The following VEPH1 variants were observed in gnomAD, a reference collection of about 807,000 sequenced individuals.
VEPH1 encodes ventricular zone expressed PH domain containing 1.
A neutral mutation model predicts 85.2 loss-of-function variants in VEPH1; 80 were observed. The ratio of observed to expected loss-of-function variants is 0.94; its 90% CI spans 0.78 to 1.13. The LOEUF is 1.13. VEPH1 is among the 50% of genes most tolerant of loss of function. The pLI is 0.00. For synonymous variants in VEPH1, 297 were observed against 348.0 expected (o/e 0.85, Z 1.63); for missense variants, 955 against 980.5 (o/e 0.97, Z 0.35).
At chr3:157,345,045 T>C (rs1724048442) in intron 9 of VEPH1, among the ~76,000 whole-genome samples, 1 of 152,330 alleles carries the variant, frequency 6.6e-6, no homozygotes, top group African/African-American at 2.4e-5. Flanking sequence ...ATTAAAGATT[T>C]AAATGTTAGA....
At chr3:157,402,410 T>G (rs1730849162) in intron 6 of VEPH1, among the ~76,000 whole-genome samples, 1 of 152,138 alleles carries the variant, frequency 6.6e-6, no homozygotes, top group African/African-American at 2.4e-5. Context: ...TGTGGGAGAA[T>G]GCTGCCTAAA....
intron 11 of VEPH1, among the ~76,000 whole-genome samples, chr3:157,303,469 G>T (rs1249309800): frequency 6.6e-6 from 1 of 152,094 alleles, no homozygotes; most frequent in African/African-American, 2.4e-5. Context: ...CCATGATTTT[G>T]CTGTGATTAT....
intron 9 of VEPH1, among the ~76,000 whole-genome samples, chr3:157,338,965 T>C (rs1448855111): frequency 1.3e-5 from 2 of 152,130 alleles, no homozygotes; most frequent in Non-Finnish European, 2.9e-5. Context: ...ATCAAGAAGG[T>C]TCAGAGCCTA....
At chr3:157,398,519 A>G (rs1730586601) in intron 6 of VEPH1, among the ~76,000 whole-genome samples, 1 of 152,118 alleles carries the variant, frequency 6.6e-6, no homozygotes, top group Non-Finnish European at 1.5e-5. Context: ...CTGTAGTCTC[A>G]GCTACTTAGG....
chr3:157,493,321 A>T (rs1382903207), intron 2 of VEPH1: 1 of 456,098 alleles, frequency 2.2e-6, no homozygotes, highest in African/African-American at 2.0e-5. Context: ...AGTGGAATTG[A>T]TTACTGAGAT....
intron 4 of VEPH1, among the ~76,000 whole-genome samples, chr3:157,440,949 T>C (rs189364298): frequency 4.3e-3 from 656 of 152,280 alleles, no homozygotes; most frequent in Non-Finnish European, 5.9e-3. Context: ...ATAGTAATTA[T>C]AAGCATGTGG....
chr3:157,326,786 G>A lies in VEPH1; in HGVS notation c.1736-9585C>T, dbSNP rs187800357. Among the ~76,000 whole-genome samples, 153 of 152,318 alleles carry A rather than the reference G, an allele frequency of 1.0e-3. 1 individual carries two copies. The Middle Eastern group carries it at 0.014, about 14-fold the overall frequency. ...TAGATACATTATGGTAACACCATGG[G>A]CAATGGTCACCGCTGAAGATTCACT... is the stretch of plus-strand genomic sequence containing the variant. On this transcript the variant is annotated intron_variant, in intron 9 of 13. Transcript: ENST00000362010.
At chr3:157,464,667 A>C (rs746451575) in intron 3 of VEPH1, among the ~76,000 whole-genome samples, 1 of 152,196 alleles carries the variant, frequency 6.6e-6, no homozygotes, top group Non-Finnish European at 1.5e-5. Context: ...ATTAGCACCA[A>C]TTTGAACTTT....
At chr3:157,463,428 A>G (rs1418131256) in intron 3 of VEPH1, among the ~76,000 whole-genome samples, 1 of 152,158 alleles carries the variant, frequency 6.6e-6, no homozygotes, top group African/African-American at 2.4e-5. Context: ...TAGAGTTCTT[A>G]ACATCACGGA....
At chr3:157,407,177 A>G (rs1731207152) in intron 6 of VEPH1, among the ~76,000 whole-genome samples, 1 of 152,170 alleles carries the variant, frequency 6.6e-6, no homozygotes, top group Non-Finnish European at 1.5e-5. Flanking sequence ...GTGGAAACAA[A>G]CATTCTATTT....
chr3:157,389,782 A>T (rs1322632956), intron 6 of VEPH1, among the ~76,000 whole-genome samples: 2 of 152,190 alleles, frequency 1.3e-5, no homozygotes, highest in African/African-American at 4.8e-5. Context: ...CCAAAGCATT[A>T]GGGGATGAAT....
chr3:157,358,979 A>C (rs1004886978), intron 9 of VEPH1, among the ~76,000 whole-genome samples: 1 of 152,206 alleles, frequency 6.6e-6, no homozygotes, highest in Non-Finnish European at 1.5e-5. Context: ...CTGGTGACAG[A>C]GTGAGACTCC....
At chr3:157,423,820 T>G (rs1732533535) in intron 5 of VEPH1, among the ~76,000 whole-genome samples, 1 of 152,230 alleles carries the variant, frequency 6.6e-6, no homozygotes. Context: ...TGCAGTCTAT[T>G]GTGGCTAATT....
At chr3:157,417,883 T>G (rs938164363) in intron 5 of VEPH1, among the ~76,000 whole-genome samples, 1 of 152,180 alleles carries the variant, frequency 6.6e-6, no homozygotes, top group Non-Finnish European at 1.5e-5. Flanking sequence ...TTAGAATGTT[T>G]GGACTCTGTA....
At chr3:157,269,642 G>GTTTGTTT (rs1714254535) in intron 12 of VEPH1, among the ~76,000 whole-genome samples, 1 of 115,456 alleles carries the variant, frequency 8.7e-6, no homozygotes, top group African/African-American at 3.3e-5. Flanking sequence ...TGTTTTTGTT[G>GTTTGTTT]TTTTTTTTTT....
At chr3:157,458,570 G>A (rs545016601) in intron 4 of VEPH1, among the ~76,000 whole-genome samples, 1 of 152,122 alleles carries the variant, frequency 6.6e-6, no homozygotes, top group Non-Finnish European at 1.5e-5. Flanking sequence ...CCATTCTGTA[G>A]GTTGTCTGTT....
At chr3:157,361,225 C>A (rs984387326) in intron 9 of VEPH1, among the ~76,000 whole-genome samples, 1 of 152,212 alleles carries the variant, frequency 6.6e-6, no homozygotes, top group Non-Finnish European at 1.5e-5. Context: ...TATAAGCAAT[C>A]TTTTATTGTC....
chr3:157,383,259 T>C (rs1728958368), intron 6 of VEPH1, among the ~76,000 whole-genome samples: 1 of 152,232 alleles, frequency 6.6e-6, no homozygotes, highest in South Asian at 2.1e-4. Context: ...AATGAAAGGA[T>C]GCCCTTGCTT....
intron 4 of VEPH1, chr3:157,437,880 G>A (rs961397147): frequency 1.3e-6 from 2 of 1,514,838 alleles, no homozygotes; most frequent in Non-Finnish European, 8.8e-7. Context: ...TGCACGCGGT[G>A]CAGGGCTGGG....
Sources: allele counts gnomAD v4.1 joint callset (sites outside exome capture counted in the v4.1 genomes callset), GRCh38; gene constraint gnomAD v4.1.1; transcripts MANE v1.5; gene names NCBI Gene and HGNC (gene_info 2026-07-23, HGNC 2026-07-21).